The following HDAC4 variants were observed in gnomAD, a reference collection of about 807,000 sequenced individuals.
HDAC4 encodes histone deacetylase A.
A neutral mutation model predicts 135.1 loss-of-function variants in HDAC4; 16 were observed. That is an observed-to-expected ratio of 0.12 (90% CI 0.08 to 0.18). The LOEUF (loss-of-function observed/expected upper bound fraction) is 0.18. Among genes scored for constraint, HDAC4 ranks in the 10% least tolerant of loss-of-function variants. HDAC4 has a pLI of 1.00. For synonymous variants in HDAC4, 685 were observed against 653.4 expected (o/e 1.05, Z -0.74); for missense variants, 1,143 against 1,511.8 (o/e 0.76, Z 4.05).
At chr2:239,184,069 T>TAAAAA (rs58952360) in intron 4 of HDAC4, among the ~76,000 whole-genome samples, 2 of 71,396 alleles carry the variant, frequency 2.8e-5, no homozygotes, top group African/African-American at 1.2e-4. Context: ...CTTGCTAGTG[T>TAAAAA]AAAAAAAAAA....
At chr2:239,132,088 G>T (rs2040626833) in intron 11 of HDAC4, among the ~76,000 whole-genome samples, 1 of 152,200 alleles carries the variant, frequency 6.6e-6, no homozygotes, top group Admixed American at 6.5e-5. Flanking sequence ...GGGGCTGGCT[G>T]GGGGAGTGAG....
chr2:239,182,518 G>A (rs775989907), intron 4 of HDAC4, among the ~76,000 whole-genome samples: 2 of 152,234 alleles, frequency 1.3e-5, no homozygotes, highest in African/African-American at 4.8e-5. Context: ...AAACATGACT[G>A]TGGTGGAGTT....
chr2:239,236,225 A>G (rs2047878690), intron 3 of HDAC4, among the ~76,000 whole-genome samples: 1 of 152,228 alleles, frequency 6.6e-6, no homozygotes, highest in Non-Finnish European at 1.5e-5. Flanking sequence ...TCACGTGGCC[A>G]GTGGGACCCA....
chr2:239,083,536 T>C (rs1438725611), intron 20 of HDAC4, among the ~76,000 whole-genome samples: 1 of 152,178 alleles, frequency 6.6e-6, no homozygotes, highest in African/African-American at 2.4e-5. Flanking sequence ...AAATCATAAA[T>C]ACCAAAGAGA....
Position 239,051,968 on chromosome 2 carries a change from T to A in HDAC4, c.*1129A>T, listed in dbSNP as rs1045703811. The A allele has an allele frequency of 2.0e-5, 3 of 151,940 alleles. No homozygotes were observed. The highest frequency in any genetic ancestry group is 7.3e-5 in the African/African-American group (3 of 41,322). The allele number at this position is 151,940 out of a possible 1,614,324, so 9.4% of individuals were successfully genotyped here. ...GAATATATATTATACATATATATAT[T>A]TATTTATACCTAAAATTTAAGCAAT... On this transcript the variant is annotated 3_prime_UTR_variant, in exon 27 of 27. Coordinates refer to ENST00000543185, the MANE Select transcript of HDAC4 (RefSeq NM_001378414.1).
chr2:239,115,379 GATGCTGCAA>G lies in HDAC4; in HGVS notation c.1534-78_1534-70del. 1 of 1,593,136 alleles carries G rather than the reference GATGCTGCAA, an allele frequency of 6.3e-7. No individual in the cohort carries two copies. The highest frequency in any genetic ancestry group is 8.6e-7 in the Non-Finnish European group (1 of 1,165,094). On this transcript the variant is annotated intron_variant, in intron 12 of 26. Transcript: ENST00000543185. The surrounding 1 kb of genome is among the most constrained non-coding windows in gnomAD (Gnocchi z 6.3). ...TCTGAGCTCATCTGACAGGAGAAGG[GATGCTGCAA>G]ACCCCACCCTCTGGGGCAGACAATC...
chr2:239,182,682 T>A (rs1470657127), intron 4 of HDAC4, among the ~76,000 whole-genome samples: 2 of 152,122 alleles, frequency 1.3e-5, no homozygotes, highest in African/African-American at 4.8e-5. Context: ...GTGAAAGCCA[T>A]CAGGACAAAC....
At chr2:239,326,059 C>T (rs2053460874) in intron 2 of HDAC4, among the ~76,000 whole-genome samples, 1 of 152,116 alleles carries the variant, frequency 6.6e-6, no homozygotes, top group African/African-American at 2.4e-5. Flanking sequence ...GACTCAGAGA[C>T]GTGTGTACAC....
intron 2 of HDAC4, among the ~76,000 whole-genome samples, chr2:239,346,701 C>T (rs1475562222): frequency 6.6e-6 from 1 of 151,232 alleles, no homozygotes; most frequent in Non-Finnish European, 1.5e-5. Flanking sequence ...AACACACACC[C>T]TAACACACAC....
intron 17 of HDAC4, chr2:239,094,372 T>C (rs539845112): frequency 4.1e-6 from 4 of 985,442 alleles, no homozygotes; most frequent in East Asian, 1.1e-4. Flanking sequence ...TGGAAAGTCC[T>C]TGTGAACTTA....
At chr2:239,152,179 C>A (rs982722355) in intron 7 of HDAC4, among the ~76,000 whole-genome samples, 3 of 152,216 alleles carry the variant, frequency 2.0e-5, no homozygotes, top group African/African-American at 7.2e-5. Context: ...AGTGGAAAAG[C>A]CTCCATTCCT....
At chr2:239,231,830 G>T (rs1336812911) in intron 3 of HDAC4, among the ~76,000 whole-genome samples, 1 of 105,764 alleles carries the variant, frequency 9.5e-6, no homozygotes, top group African/African-American at 4.3e-5. Context: ...GCTCCCGGAT[G>T]CCTGAGGTAG....
rs1347036836 is a variant in HDAC4, at chr2:239,240,130, A to C, written c.23-3466T>G. Among the ~76,000 whole-genome samples, 1 of 152,268 alleles carries C rather than the reference A, an allele frequency of 6.6e-6. No individual in the cohort carries two copies. The highest frequency in any genetic ancestry group is 1.5e-5 in the Non-Finnish European group (1 of 68,040). ...CCAAACACTAAAGGCGTTTTGCCAG[A>C]GGTGGCTGGTGGAACACAATCCTGG... On this transcript the variant is annotated intron_variant, in intron 2 of 26. Transcript: ENST00000543185. The surrounding 1 kb of genome is among the most constrained non-coding windows in gnomAD (Gnocchi z 4.5).
rs754594536 is a variant in HDAC4 at position 239,081,231 on chromosome 2, G to T, written c.2653-39C>A. 3.9e-6 allele frequency: 6 copies of T among 1,543,046 alleles called. No individual in the cohort carries two copies. In the African/African-American group the frequency reaches 8.1e-5, roughly 21 times the overall value. ...GAGAGAAACACACGTCATGGACCCC[G>T]AGCGGGACCTGTCTGACAGGAACGC... On this transcript the variant is annotated intron_variant, in intron 21 of 26. Transcript: ENST00000543185.
rs150163848 is a variant in HDAC4, at chr2:239,294,712, T to TGCCTCGGAG, written c.22+57957_22+57965dup. Among the ~76,000 whole-genome samples the TGCCTCGGAG allele has an allele frequency of 5.6e-3, 849 of 152,024 alleles. 4 individuals are homozygous for TGCCTCGGAG. The highest frequency in any genetic ancestry group is 0.029 in the South Asian group (138 of 4,810). Reference sequence around the variant, plus strand: ...TGGAAGGAAGGGGAGCAGGTGGGCCTGCCTCGGAGGCCTCGGAGGCAGCAC... The same window carrying TGCCTCGGAG: ...TGGAAGGAAGGGGAGCAGGTGGGCCTGCCTCGGAGGCCTCGGAGGCCTCGGAGGCAGCAC... On this transcript the variant is annotated intron_variant, in intron 2 of 26. Coordinates refer to ENST00000543185, the MANE Select transcript of HDAC4 (RefSeq NM_001378414.1).
intron 1 of HDAC4, among the ~76,000 whole-genome samples, chr2:239,391,933 A>G (rs1174929032): frequency 6.6e-6 from 1 of 152,176 alleles, no homozygotes; most frequent in Non-Finnish European, 1.5e-5. Flanking sequence ...TGAAGCTGGC[A>G]CGCTGACATG....
intron 3 of HDAC4, among the ~76,000 whole-genome samples, chr2:239,197,917 GA>G (rs1559214048): frequency 6.7e-6 from 1 of 150,290 alleles, no homozygotes; most frequent in African/African-American, 2.5e-5. Context: ...GCAGTGGTGC[GA>G]TCTTGGCTCA....
intron 24 of HDAC4, among the ~76,000 whole-genome samples, chr2:239,060,881 C>T (rs971669695): frequency 1.3e-5 from 2 of 152,226 alleles, no homozygotes; most frequent in Non-Finnish European, 1.5e-5. Context: ...GAAGGGGGAG[C>T]GCTGAGATGT....
chr2:239,097,286 C>T (rs1181315943), intron 16 of HDAC4, among the ~76,000 whole-genome samples: 1 of 152,248 alleles, frequency 6.6e-6, no homozygotes, highest in Non-Finnish European at 1.5e-5. Flanking sequence ...CCCTGCAGCG[C>T]TCAGCAGGCA....
Sources: allele counts gnomAD v4.1 joint callset (sites outside exome capture counted in the v4.1 genomes callset), GRCh38; gene constraint gnomAD v4.1.1; non-coding constraint Gnocchi (gnomAD v3.1); transcripts MANE v1.5; gene names NCBI Gene and HGNC (gene_info 2026-07-23, HGNC 2026-07-21).